PCDH7: variants seen among roughly 807,000 people sequenced by gnomAD.
PCDH7 encodes protocadherin-7.
In PCDH7, 17 loss-of-function variants were observed where a neutral mutation model predicts 58.9. That is an observed-to-expected ratio of 0.29 (90% CI 0.20 to 0.43). The LOEUF (loss-of-function observed/expected upper bound fraction) is 0.43. Among genes scored for constraint, PCDH7 ranks in the 20% least tolerant of loss-of-function variants. PCDH7 has a pLI of 1.00. For synonymous variants in PCDH7, 664 were observed against 616.4 expected (o/e 1.08, Z -1.14); for missense variants, 1,274 against 1,441.0 (o/e 0.88, Z 1.88).
chr4:30,772,116 C>T (rs914874782), intron 1 of PCDH7, among the ~76,000 whole-genome samples: 16 of 152,082 alleles, frequency 1.1e-4, no homozygotes, highest in African/African-American at 1.9e-4. Flanking sequence ...GTGATCCGCC[C>T]GCCTAAGACT....
At chr4:30,904,759 T>G (rs2109398382) in intron 1 of PCDH7, among the ~76,000 whole-genome samples, 1 of 152,300 alleles carries the variant, frequency 6.6e-6, no homozygotes, top group South Asian at 2.1e-4. Flanking sequence ...ATAAGGAAGT[T>G]AAAACAAATG....
intron 3 of PCDH7, among the ~76,000 whole-genome samples, chr4:30,999,447 A>G (rs919200879): frequency 6.6e-6 from 1 of 152,132 alleles, no homozygotes; most frequent in Admixed American, 6.6e-5. Context: ...AGAGAAAACT[A>G]TTTCTCAGGA....
At chr4:31,131,230 T>C (rs1453930154) in intron 3 of PCDH7, among the ~76,000 whole-genome samples, 1 of 152,126 alleles carries the variant, frequency 6.6e-6, no homozygotes, top group Admixed American at 6.5e-5. Flanking sequence ...ATTTTGCCAC[T>C]CTCCAAAGTA....
At chr4:30,886,136 C>T (rs1737713918) in intron 1 of PCDH7, among the ~76,000 whole-genome samples, 1 of 150,954 alleles carries the variant, frequency 6.6e-6, no homozygotes, top group Non-Finnish European at 1.5e-5. Context: ...TCTAATTAAA[C>T]TAAAGAGCTT....
chr4:30,819,817 T>A (rs765336060), intron 1 of PCDH7, among the ~76,000 whole-genome samples: 1 of 152,148 alleles, frequency 6.6e-6, no homozygotes, highest in Non-Finnish European at 1.5e-5. Context: ...TAAAGATCTT[T>A]GGGAGAGGAT....
At chr4:30,969,860 G>T (rs1227962799) in intron 3 of PCDH7, among the ~76,000 whole-genome samples, 2 of 152,124 alleles carry the variant, frequency 1.3e-5, no homozygotes, top group African/African-American at 2.4e-5. Flanking sequence ...GAGACACTAG[G>T]CCCTTAAATT....
chr4:30,794,760 T>G (rs1197750706), intron 1 of PCDH7, among the ~76,000 whole-genome samples: 3 of 152,110 alleles, frequency 2.0e-5, no homozygotes, highest in Non-Finnish European at 4.4e-5. Context: ...CGATTGAAAG[T>G]TCTATTTTGT....
At chr4:31,136,247 A>T (rs1052224064) in intron 3 of PCDH7, among the ~76,000 whole-genome samples, 2 of 152,222 alleles carry the variant, frequency 1.3e-5, no homozygotes, top group Non-Finnish European at 2.9e-5. Flanking sequence ...CACGGCAGCC[A>T]GGACCATATT....
chr4:30,807,871 A>C (rs533598918), intron 1 of PCDH7, among the ~76,000 whole-genome samples: 9 of 152,208 alleles, frequency 5.9e-5, no homozygotes, highest in Admixed American at 3.3e-4. Context: ...TGAGATGCTT[A>C]ATTAGAGCTT....
rs796234144 is a variant in PCDH7, at chr4:30,984,395, A to G, written c.*7+34180A>G. Reference sequence around the variant, plus strand: ...CATATGGAAAGAGCAATGGATTAGGAAACCTATATTTGGTCTTGAATCTTC... The same window carrying G: ...CATATGGAAAGAGCAATGGATTAGGGAACCTATATTTGGTCTTGAATCTTC... On this transcript the variant is annotated intron_variant, in intron 3 of 3. Transcript: ENST00000509759. Among the ~76,000 whole-genome samples the G allele has an allele frequency of 5.3e-5, 8 of 152,198 alleles. 1 individual carries two copies. The South Asian group carries it at 1.7e-3, about 31-fold the overall frequency.
intron 1 of PCDH7, among the ~76,000 whole-genome samples, chr4:30,862,619 C>CT (rs1734344652): frequency 6.6e-6 from 1 of 152,078 alleles, no homozygotes; most frequent in African/African-American, 2.4e-5. Context: ...TGCAAATATC[C>CT]TTTTAGGGTT....
At chr4:31,144,617 A>G (rs1363747472), downstream of PCDH7, 1 of 152,200 alleles carries the variant, frequency 6.6e-6, no homozygotes, top group Non-Finnish European at 1.5e-5. Context: ...CTTAGACTAT[A>G]AAGTGACACA....
chr4:31,067,374 CAAAAAAAAA>C (rs10715937), intron 3 of PCDH7, among the ~76,000 whole-genome samples: 3 of 109,654 alleles, frequency 2.7e-5, no homozygotes, highest in African/African-American at 1.0e-4. Flanking sequence ...ATCACTGAGA[CAAAAAAAAA>C]AAAAAAAAAA....
intron 3 of PCDH7, among the ~76,000 whole-genome samples, chr4:31,080,489 T>C (rs1023102799): frequency 1.1e-4 from 17 of 152,128 alleles, no homozygotes; most frequent in Non-Finnish European, 2.2e-4. Context: ...TGACAAGGTA[T>C]TATTAAAACC....
chr4:30,836,893 G>A (rs1318112855), intron 1 of PCDH7, among the ~76,000 whole-genome samples: 1 of 152,202 alleles, frequency 6.6e-6, no homozygotes, highest in Non-Finnish European at 1.5e-5. Flanking sequence ...CAGCCAAGCC[G>A]AGTGCCTTAG....
At chr4:30,843,459 G>T (rs1731495798) in intron 1 of PCDH7, among the ~76,000 whole-genome samples, 1 of 152,120 alleles carries the variant, frequency 6.6e-6, no homozygotes, top group East Asian at 1.9e-4. Flanking sequence ...CTCCCAAAGT[G>T]CTGGGATTAC....
At chr4:31,028,346 C>T (rs772952852) in intron 3 of PCDH7, among the ~76,000 whole-genome samples, 1 of 152,048 alleles carries the variant, frequency 6.6e-6, no homozygotes, top group Non-Finnish European at 1.5e-5. Context: ...TGAAAATCTT[C>T]CTTAAAACAG....
At chr4:31,094,813 T>G (rs73812528) in intron 3 of PCDH7, among the ~76,000 whole-genome samples, 22,326 of 152,094 alleles carry the variant, frequency 0.15, 1,760 homozygotes, top group South Asian at 0.2. Context: ...TTAAAAACAT[T>G]CCAGTTAAGT....
At chr4:31,112,673 G>A (rs1318944760) in intron 3 of PCDH7, among the ~76,000 whole-genome samples, 1 of 152,154 alleles carries the variant, frequency 6.6e-6, no homozygotes, top group Non-Finnish European at 1.5e-5. Context: ...GTTTCCTATT[G>A]AGAAGAAGCT....
Sources: allele counts gnomAD v4.1 joint callset (sites outside exome capture counted in the v4.1 genomes callset), GRCh38; gene constraint gnomAD v4.1.1; transcripts MANE v1.5; gene names NCBI Gene and HGNC (gene_info 2026-07-23, HGNC 2026-07-21).